Variants in ANKMY2 observed in about 807,000 individuals in gnomAD.
ANKMY2 encodes ankyrin repeat and MYND domain-containing protein 2.
ANKMY2 carries 36 observed loss-of-function variants against 50.4 expected under a neutral mutation model. That is an observed-to-expected ratio of 0.71 (90% confidence interval 0.55 to 0.94). The LOEUF (loss-of-function observed/expected upper bound fraction) is 0.94. Among genes scored for constraint, ANKMY2 ranks in the 40% least tolerant of loss-of-function variants. The pLI, the probability that ANKMY2 is intolerant of heterozygous loss-of-function variation, is 0.00. For synonymous variants in ANKMY2, 187 were observed against 178.8 expected, an observed-to-expected ratio of 1.05 and a Z score of -0.36; for missense variants, 565 against 524.0, an observed-to-expected ratio of 1.08 and a Z score of -0.76.
chr7:16,608,660 T>G (rs1781197546), intron 7 of ANKMY2, among the ~76,000 whole-genome samples: 1 of 152,118 alleles, frequency 6.6e-6, no homozygotes, highest in Admixed American at 6.6e-5. Context: ...GATTGAAACG[T>G]ATAAAAGCAT....
chr7:16,625,334 T>C (rs571442742), intron 3 of ANKMY2, among the ~76,000 whole-genome samples: 1 of 152,316 alleles, frequency 6.6e-6, no homozygotes, highest in Admixed American at 6.5e-5. Flanking sequence ...TACTGCCTTT[T>C]TAAACAAAAT....
intron 8 of ANKMY2, chr7:16,603,655 T>C (rs934685391): frequency 4.9e-5 from 23 of 471,212 alleles, no homozygotes; most frequent in Non-Finnish European, 9.7e-5. Flanking sequence ...TTCAAAGTTC[T>C]CTGCACTGAA....
In ANKMY2 at chr7:16,624,650, A is replaced by T. The variant is rs560802723; in HGVS notation, c.370+333T>A. 7.2e-5 allele frequency among the ~76,000 whole-genome samples: 11 copies of T among 152,346 alleles called. No homozygotes were observed. The South Asian group carries it at 2.3e-3, about 32-fold the overall frequency. On this transcript the variant is annotated intron_variant, in intron 4 of 9. Coordinates refer to ENST00000306999, the MANE Select transcript of ANKMY2 (RefSeq NM_020319.3). ...ACTTTGCTATCACGTGGCACAGCCA[A>T]AATTTAACTTGGGATTACTGACTTC...
At chr7:16,621,855 G>A (rs2128344057) in intron 4 of ANKMY2, among the ~76,000 whole-genome samples, 1 of 152,172 alleles carries the variant, frequency 6.6e-6, no homozygotes, top group African/African-American at 2.4e-5. Context: ...TGTAGTCCCA[G>A]CTACATGGGA....
intron 1 of ANKMY2, among the ~76,000 whole-genome samples, chr7:16,639,238 G>C (rs950366781): frequency 2.0e-5 from 3 of 152,162 alleles, no homozygotes; most frequent in African/African-American, 7.2e-5. Flanking sequence ...GTCCATAGTA[G>C]ACTTAAATAA....
At chr7:16,623,856 T>A (rs1422277665) in intron 4 of ANKMY2, among the ~76,000 whole-genome samples, 5 of 152,174 alleles carry the variant, frequency 3.3e-5, no homozygotes, top group African/African-American at 7.2e-5. Context: ...GAAAAAGCTG[T>A]CATAAAGCAA....
At chr7:16,636,569 T>A (rs1263673074) in intron 1 of ANKMY2, 114 bp from the exon 2 acceptor site, 7 of 655,104 alleles carry the variant, frequency 1.1e-5, no homozygotes, top group Non-Finnish European at 1.5e-5. Context: ...ATCTAGTCAG[T>A]GTAGGTTGCT....
chr7:16,629,638 T>C (rs1304909696), intron 2 of ANKMY2, among the ~76,000 whole-genome samples: 1 of 152,174 alleles, frequency 6.6e-6, no homozygotes, highest in Non-Finnish European at 1.5e-5. Flanking sequence ...GATTTTCAGA[T>C]ACCAAATTTA....
In ANKMY2 at chr7:16,610,752, A is replaced by G. The variant is rs767638441; in HGVS notation, c.543T>C (p.Leu181=). 1.2e-6 allele frequency: 2 copies of G among 1,613,604 alleles called. No homozygotes were observed. The highest frequency in any genetic ancestry group is 1.1e-5 in the South Asian group (1 of 91,056). ...CTGTCAGCAGAGGATTCTCATTTAC[A>G]AGCATCACGATCTAGAGGAAATCCC... ...TNLHPVKIVM[L]VNENPLLTEE... The change falls in exon 6 of 10, where the codon CTT becomes CTC. Residue 181 remains leucine, a synonymous_variant. Transcript: ENST00000306999.
chr7:16,644,727 C>T, intron 1 of ANKMY2: 1 of 471,058 alleles, frequency 2.1e-6, no homozygotes. Context: ...TCTGGGACGT[C>T]CACTCGGGGA....
At chr7:16,623,413 T>A (rs1350856130) in intron 4 of ANKMY2, among the ~76,000 whole-genome samples, 2 of 152,190 alleles carry the variant, frequency 1.3e-5, no homozygotes, top group Non-Finnish European at 2.9e-5. Flanking sequence ...GAGCATTGTG[T>A]TAATGCCTGA....
chr7:16,619,723 T>C (rs748442934), intron 4 of ANKMY2, among the ~76,000 whole-genome samples: 3 of 152,106 alleles, frequency 2.0e-5, no homozygotes, highest in Non-Finnish European at 4.4e-5. Flanking sequence ...ATATAGAAAA[T>C]AAATGCTGCA....
intron 2 of ANKMY2, among the ~76,000 whole-genome samples, chr7:16,628,459 T>C (rs760276959): frequency 2.0e-5 from 3 of 151,588 alleles, no homozygotes; most frequent in East Asian, 1.9e-4. Flanking sequence ...GATGATAACT[T>C]TGAAGACTCC....
intron 7 of ANKMY2, 70 bp from the exon 8 acceptor site, chr7:16,604,919 C>T: frequency 7.0e-7 from 1 of 1,432,916 alleles, no homozygotes; most frequent in Non-Finnish European, 9.4e-7. Flanking sequence ...GAGGTATCAG[C>T]CCACGGACAC....
chr7:16,619,157 T>C (rs1023289742), intron 4 of ANKMY2, among the ~76,000 whole-genome samples: 11 of 142,282 alleles, frequency 7.7e-5, no homozygotes, highest in African/African-American at 2.8e-4. Context: ...TATTATACCT[T>C]TTTTTTTTTT....
chr7:16,609,510 T>C, intron 7 of ANKMY2, 120 bp downstream of exon 7: 1 of 1,174,228 alleles, frequency 8.5e-7, no homozygotes, highest in Non-Finnish European at 1.1e-6. Flanking sequence ...TCTCCACCTT[T>C]GTTCCTAAAA....
At chr7:16,628,479 GAGTCTCTAC>G (rs1377998539) in intron 2 of ANKMY2, among the ~76,000 whole-genome samples, 1 of 141,350 alleles carries the variant, frequency 7.1e-6, no homozygotes, top group Non-Finnish European at 1.5e-5. Flanking sequence ...CCTTAGCTGG[GAGTCTCTAC>G]AGAGATGGAA....
intron 1 of ANKMY2, among the ~76,000 whole-genome samples, chr7:16,637,553 T>C (rs1324133455): frequency 6.6e-6 from 1 of 152,180 alleles, no homozygotes; most frequent in Non-Finnish European, 1.5e-5. Flanking sequence ...ATTTTTTTTA[T>C]AAATAATGCA....
At chr7:16,639,032 T>C (rs80205354) in intron 1 of ANKMY2, among the ~76,000 whole-genome samples, 3 of 152,250 alleles carry the variant, frequency 2.0e-5, no homozygotes, top group South Asian at 2.1e-4. Flanking sequence ...CTGAAACAGA[T>C]TGGGCTTCTA....
Sources: allele counts gnomAD v4.1 joint callset (sites outside exome capture counted in the v4.1 genomes callset), GRCh38; gene constraint gnomAD v4.1.1; transcripts MANE v1.5; gene names NCBI Gene and HGNC (gene_info 2026-07-23, HGNC 2026-07-21).